The following RXRA variants were observed in gnomAD, a reference collection of about 807,000 sequenced individuals.
RXRA encodes retinoid X receptor alpha.
Under a neutral mutation model 44.5 loss-of-function variants are expected in RXRA, and 5 were observed. The observed-to-expected ratio is 0.11, with a 90% CI of 0.06 to 0.24. RXRA has a LOEUF of 0.24. RXRA is among the 10% of genes least tolerant of loss of function. RXRA has a pLI of 1.00. For missense variants in RXRA, 412 were observed against 646.5 expected, an observed-to-expected ratio of 0.64 and a Z score of 3.93; for synonymous variants, 291 against 271.4, an observed-to-expected ratio of 1.07 and a Z score of -0.71.
chr9:134,375,586 G>A (rs933604842), intron 1 of RXRA, among the ~76,000 whole-genome samples: 1 of 152,260 alleles, frequency 6.6e-6, no homozygotes, highest in East Asian at 1.9e-4. Context: ...TGGGAGTGAC[G>A]CTGGGTTGGC....
At chr9:134,388,784 C>T (rs1323519635) in intron 1 of RXRA, among the ~76,000 whole-genome samples, 1 of 152,210 alleles carries the variant, frequency 6.6e-6, no homozygotes, top group Non-Finnish European at 1.5e-5. Context: ...GCCTCCTCCT[C>T]CTTGTGAGCC....
intron 1 of RXRA, among the ~76,000 whole-genome samples, chr9:134,333,576 T>C (rs893532679): frequency 2.0e-5 from 3 of 152,026 alleles, no homozygotes; most frequent in African/African-American, 7.2e-5. Flanking sequence ...CCGCCATGGA[T>C]AAACCCTCGG....
chr9:134,410,642 G>C (rs1831132538), intron 4 of RXRA, among the ~76,000 whole-genome samples: 1 of 152,198 alleles, frequency 6.6e-6, no homozygotes, highest in African/African-American at 2.4e-5. Context: ...AGTGGCCGGG[G>C]CCCCTGTGCC....
At chr9:134,435,228 G>A (rs555861536) in intron 9 of RXRA, among the ~76,000 whole-genome samples, 97 of 152,346 alleles carry the variant, frequency 6.4e-4, no homozygotes, top group African/African-American at 2.0e-3. Flanking sequence ...TGGAGGGGCC[G>A]TGTGGAGAGA....
rs1185612521 is a variant in RXRA, at chr9:134,349,011, C to G, written c.28+22352C>G. On this transcript the variant is annotated intron_variant, in intron 1 of 9. Coordinates refer to ENST00000481739, the MANE Select transcript of RXRA (RefSeq NM_002957.6). The surrounding 1 kb of genome is among the most constrained non-coding windows in gnomAD (Gnocchi z 4.3). ...CGGGAGGGGCTGGCATATCCGAGAC[C>G]CAGTTCTGTCACTTGCAGTGAAGGG... is the stretch of plus-strand genomic sequence containing the variant. Among the ~76,000 whole-genome samples, 1 of 152,214 alleles carries G rather than the reference C, an allele frequency of 6.6e-6. No homozygotes were observed. Among genetic ancestry groups the G allele is most frequent in the Non-Finnish European group, 1.5e-5 (1 of 68,042 alleles).
intron 7 of RXRA, among the ~76,000 whole-genome samples, chr9:134,430,219 G>C (rs977444278): frequency 6.6e-6 from 1 of 152,230 alleles, no homozygotes; most frequent in Non-Finnish European, 1.5e-5. Context: ...AGTCTAGAGA[G>C]CCACACACAC....
chr9:134,419,076 C>T (rs557341558), intron 5 of RXRA, among the ~76,000 whole-genome samples: 5 of 152,248 alleles, frequency 3.3e-5, no homozygotes, highest in South Asian at 2.1e-4. Context: ...AATGGGACCC[C>T]GACAGCAGGC....
At chr9:134,362,063 G>A (rs1411316506) in intron 1 of RXRA, among the ~76,000 whole-genome samples, 2 of 152,182 alleles carry the variant, frequency 1.3e-5, no homozygotes, top group African/African-American at 4.8e-5. Flanking sequence ...CTGCCCCCTG[G>A]CTTGGCACTG....
chr9:134,342,670 C>G lies in RXRA; in HGVS notation c.28+16011C>G, dbSNP rs1830100396. Among the ~76,000 whole-genome samples, 1 of 152,142 alleles carries G rather than the reference C, an allele frequency of 6.6e-6. No individual in the cohort carries two copies. The highest frequency in any genetic ancestry group is 6.5e-5 in the Admixed American group (1 of 15,278). On this transcript the variant is annotated intron_variant, in intron 1 of 9. Coordinates refer to ENST00000481739, the MANE Select transcript of RXRA (RefSeq NM_002957.6). This position sits in a 1 kb window ranked among gnomAD's most constrained non-coding sequence, Gnocchi z 4.4. ...CGGGAGGAGGCCCCTGTGGTTCCCA[C>G]AGGGCCATGTGTGGTCTCCAGGGCT... is the stretch of plus-strand genomic sequence containing the variant.
chr9:134,373,067 G>C (rs530112540), intron 1 of RXRA, among the ~76,000 whole-genome samples: 1 of 152,312 alleles, frequency 6.6e-6, no homozygotes, highest in Admixed American at 6.5e-5. Flanking sequence ...AGGGGCCCTG[G>C]AGACCAGTCC....
intron 5 of RXRA, among the ~76,000 whole-genome samples, chr9:134,420,799 C>T (rs923092721): frequency 6.6e-6 from 1 of 152,256 alleles, no homozygotes; most frequent in Admixed American, 6.5e-5. Flanking sequence ...CTGCCAGGAG[C>T]TGAGGAGGGG....
Position 134,350,677 on chromosome 9 carries a change from C to T in RXRA, c.28+24018C>T, listed in dbSNP as rs185925261. On this transcript the variant is annotated intron_variant, in intron 1 of 9. Coordinates refer to ENST00000481739, the MANE Select transcript of RXRA (RefSeq NM_002957.6). Reference sequence around the variant, plus strand: ...CCCAGCTCCACCCTGCCCTTCCCCACGGAGAAGCCAGCCTCCCCCGCAGGA... The same window carrying T: ...CCCAGCTCCACCCTGCCCTTCCCCATGGAGAAGCCAGCCTCCCCCGCAGGA... Among the ~76,000 whole-genome samples the T allele has an allele frequency of 2.1e-3, 313 of 152,366 alleles. 1 individual carries two copies. The highest frequency in any genetic ancestry group is 7.2e-3 in the African/African-American group (300 of 41,590).
chr9:134,359,391 C>T (rs1830322200), intron 1 of RXRA, among the ~76,000 whole-genome samples: 1 of 152,066 alleles, frequency 6.6e-6, no homozygotes, highest in Admixed American at 6.5e-5. Context: ...TGCAGGTGTG[C>T]CCCAGCCCAC....
intron 1 of RXRA, among the ~76,000 whole-genome samples, chr9:134,352,493 C>T (rs1184726058): frequency 1.3e-5 from 2 of 152,166 alleles, no homozygotes; most frequent in Non-Finnish European, 2.9e-5. Context: ...CCTGCCTCGC[C>T]CCTGCCCAGC....
At chr9:134,373,497 G>A (rs1830515442) in intron 1 of RXRA, among the ~76,000 whole-genome samples, 1 of 152,378 alleles carries the variant, frequency 6.6e-6, no homozygotes, top group African/African-American at 2.4e-5. Flanking sequence ...AGCATTGTGT[G>A]CTGCGGTCCT....
At chr9:134,435,459 C>T (rs1001878702) in intron 9 of RXRA, among the ~76,000 whole-genome samples, 2 of 151,522 alleles carry the variant, frequency 1.3e-5, no homozygotes, top group Non-Finnish European at 2.9e-5. Flanking sequence ...AGGACCAACC[C>T]GTGCTCCCTC....
At position 134,380,035 on chromosome 9, in the gene RXRA, C is replaced by T. The variant is rs986450254; in HGVS notation, c.29-21597C>T. The T allele has an allele frequency of 9.1e-6, 9 of 985,236 alleles. No homozygotes were observed. The African/African-American group carries it at 1.2e-4, about 13-fold the overall frequency. The allele number at this position is 985,236 out of a possible 1,614,324, so 61.0% of individuals were successfully genotyped here. A position where few individuals can be genotyped will look rare whatever the true frequency, so the allele number is the denominator to read the frequency against. ...CCCAGCAGGGGCTCCCTTTTCTGTG[C>T]CCCCTGCCTGAGCACAATCTTCCTG... On this transcript the variant is annotated intron_variant, in intron 1 of 9. Transcript: ENST00000481739.
chr9:134,391,781 A>G (rs1428197053), intron 1 of RXRA, among the ~76,000 whole-genome samples: 2 of 152,194 alleles, frequency 1.3e-5, no homozygotes, highest in East Asian at 1.9e-4. Context: ...AGGGGTGGCC[A>G]AGGGGTGGAC....
intron 7 of RXRA, among the ~76,000 whole-genome samples, chr9:134,430,833 G>A (rs1382636544): frequency 2.6e-5 from 4 of 152,248 alleles, no homozygotes; most frequent in Non-Finnish European, 1.5e-5. Context: ...TCCCACAGCA[G>A]TGACTACAGA....
Sources: gnomAD v4.1 joint callset for allele counts (sites outside exome capture counted in the v4.1 genomes callset) on GRCh38, gnomAD v4.1.1 for gene constraint, Gnocchi (gnomAD v3.1) non-coding constraint, MANE v1.5 for transcripts, NCBI Gene and HGNC (gene_info 2026-07-23, HGNC 2026-07-21) for gene names.